The following CYP4X1 variants were observed in gnomAD, a reference collection of about 807,000 sequenced individuals.
The protein encoded by CYP4X1 is cytochrome P450 family 4 subfamily X member 1, also known as cytochrome P450 4X1.
CYP4X1 carries 44 observed loss-of-function variants against 57.9 expected under a neutral mutation model. The observed-to-expected ratio is 0.76, with a 90% CI of 0.60 to 0.98. The LOEUF is 0.98. Ranked by LOEUF, CYP4X1 falls within the 50% of genes least tolerant of loss-of-function variation. The pLI, the probability that CYP4X1 is intolerant of heterozygous loss-of-function variation, is 0.00. For missense variants in CYP4X1, 532 were observed against 623.9 expected, an observed-to-expected ratio of 0.85 and a Z score of 1.57; for synonymous variants, 227 against 228.6, an observed-to-expected ratio of 0.99 and a Z score of 0.06.
At chr1:46,989,496 A>G in the CYP4X1 span, among the ~76,000 whole-genome samples, 5,195 of 152,296 alleles carry the variant, frequency 0.034, 318 homozygotes, top group African/African-American at 0.11. Flanking sequence ...TATAGATTCA[A>G]TACTATCCCC....
chr1:47,032,042 G>A (rs1237903816), intron 3 of CYP4X1, among the ~76,000 whole-genome samples: 5 of 150,548 alleles, frequency 3.3e-5, no homozygotes, highest in Admixed American at 6.6e-5. Context: ...AACTCTGTCC[G>A]CAGCCCCCAA....
At chr1:46,984,930 C>T in the CYP4X1 span, among the ~76,000 whole-genome samples, 9 of 152,298 alleles carry the variant, frequency 5.9e-5, no homozygotes, top group East Asian at 9.6e-4. Flanking sequence ...CCCACCCCCA[C>T]GGAGCCCAGC....
the CYP4X1 span, among the ~76,000 whole-genome samples, chr1:46,974,662 T>C: frequency 6.6e-6 from 1 of 152,224 alleles, no homozygotes; most frequent in Non-Finnish European, 1.5e-5. Flanking sequence ...TCTTGTTGAA[T>C]TGAACATTTT....
chr1:47,026,316 C>G (rs944432398), intron 1 of CYP4X1, among the ~76,000 whole-genome samples: 1 of 152,092 alleles, frequency 6.6e-6, no homozygotes, highest in African/African-American at 2.4e-5. Context: ...ACATTGCATG[C>G]CTGTATCAAA....
At chr1:46,977,271 C>G in the CYP4X1 span, among the ~76,000 whole-genome samples, 1 of 152,070 alleles carries the variant, frequency 6.6e-6, no homozygotes, top group Admixed American at 6.5e-5. Context: ...CAGTGTAGAG[C>G]AGACTTTAAA....
At chr1:46,968,076 A>T in the CYP4X1 span, among the ~76,000 whole-genome samples, 1 of 152,168 alleles carries the variant, frequency 6.6e-6, no homozygotes, top group African/African-American at 2.4e-5. Context: ...CCCAGGGACT[A>T]GGATCCTTAG....
the CYP4X1 span, among the ~76,000 whole-genome samples, chr1:46,999,376 C>A: frequency 0.42 from 64,380 of 151,980 alleles, 17,504 homozygotes; most frequent in Non-Finnish European, 0.6. Context: ...TTATAGTAGT[C>A]GCTGAGGATC....
At chr1:47,054,123 A>G (rs1372458896), downstream of CYP4X1, among the ~76,000 whole-genome samples, 4 of 151,714 alleles carry the variant, frequency 2.6e-5, no homozygotes, top group African/African-American at 9.7e-5. Context: ...ATCCAGTTTC[A>G]GCTTTCTACA....
chr1:47,013,630 A>T, the CYP4X1 span, among the ~76,000 whole-genome samples: 1 of 152,160 alleles, frequency 6.6e-6, no homozygotes, highest in African/African-American at 2.4e-5. Context: ...TTGACTTACT[A>T]TTGAGTAAGT....
chr1:47,004,211 C>T, the CYP4X1 span, among the ~76,000 whole-genome samples: 7 of 152,308 alleles, frequency 4.6e-5, no homozygotes, highest in East Asian at 1.9e-4. Flanking sequence ...TGCTCGGGGC[C>T]GCTCCCATCT....
chr1:46,967,765 C>T, the CYP4X1 span: 2 of 1,330,034 alleles, frequency 1.5e-6, no homozygotes, highest in East Asian at 2.7e-5. Flanking sequence ...TCATGGTATG[C>T]CGACCGGGAT....
At chr1:47,011,541 A>C in the CYP4X1 span, among the ~76,000 whole-genome samples, 1 of 152,248 alleles carries the variant, frequency 6.6e-6, no homozygotes, top group Non-Finnish European at 1.5e-5. Flanking sequence ...TGGCAACAAA[A>C]GCCAAAATTG....
chr1:47,048,230 C>T (rs2148516761), intron 9 of CYP4X1, among the ~76,000 whole-genome samples: 1 of 152,344 alleles, frequency 6.6e-6, no homozygotes, highest in South Asian at 2.1e-4. Flanking sequence ...GCCTGATTGA[C>T]AGGCCAGACC....
At chr1:47,009,555 A>G in the CYP4X1 span, among the ~76,000 whole-genome samples, 4 of 152,204 alleles carry the variant, frequency 2.6e-5, no homozygotes, top group African/African-American at 9.7e-5. Context: ...AGAAATAACT[A>G]AGATCAGAGC....
chr1:47,010,100 C>T, the CYP4X1 span, among the ~76,000 whole-genome samples: 5 of 152,042 alleles, frequency 3.3e-5, no homozygotes, highest in Non-Finnish European at 7.4e-5. Context: ...CTGGCAGAGA[C>T]ACAACAAAAA....
rs778280719 is a variant in CYP4X1 at position 47,030,014 on chromosome 1, A to G, written c.202A>G (p.Lys68Glu). The G allele has an allele frequency of 6.2e-7, 1 of 1,613,976 alleles. No individual in the cohort carries two copies. The change falls in exon 2 of 12, where the codon AAG becomes GAG. Residue 68 changes from lysine (K) to glutamate (E), a missense_variant. Coordinates refer to ENST00000371901, the MANE Select transcript of CYP4X1 (RefSeq NM_178033.2). ...GTTTATTCAGGATGATAACATGGAGAAGCTTGAGGAAATTATTGAAAAATA... is the reference window on the plus strand; with the variant it reads ...GTTTATTCAGGATGATAACATGGAGGAGCTTGAGGAAATTATTGAAAAATA... The part of the protein sequence containing the change: ...QKFIQDDNME[K>E]LEEIIEKYPR...
At chr1:46,986,244 T>A in the CYP4X1 span, among the ~76,000 whole-genome samples, 2 of 152,192 alleles carry the variant, frequency 1.3e-5, no homozygotes, top group African/African-American at 4.8e-5. Flanking sequence ...AATAGTTGAA[T>A]CAATCAAATG....
chr1:46,993,346 G>A, the CYP4X1 span, among the ~76,000 whole-genome samples: 1 of 152,064 alleles, frequency 6.6e-6, no homozygotes, highest in African/African-American at 2.4e-5. Flanking sequence ...TGGACATTTA[G>A]GTTGGTTCCA....
chr1:47,011,340 A>C, the CYP4X1 span, among the ~76,000 whole-genome samples: 1 of 152,218 alleles, frequency 6.6e-6, no homozygotes, highest in East Asian at 1.9e-4. Flanking sequence ...GGTGCTGGGA[A>C]AACTGGCTAG....
Sources: gnomAD v4.1 joint callset for allele counts (sites outside exome capture counted in the v4.1 genomes callset) on GRCh38, gnomAD v4.1.1 for gene constraint, MANE v1.5 for transcripts, NCBI Gene and HGNC (gene_info 2026-07-23, HGNC 2026-07-21) for gene names.